THSD7A: variants seen among roughly 807,000 people sequenced by gnomAD.
The protein encoded by THSD7A is thrombospondin type 1 domain containing 7A.
THSD7A carries 96 observed loss-of-function variants against 231.3 expected under a neutral mutation model. The ratio of observed to expected loss-of-function variants is 0.41; its 90% confidence interval spans 0.35 to 0.49. The LOEUF is 0.49. Ranked by LOEUF, THSD7A falls within the 20% of genes least tolerant of loss-of-function variation. The pLI is 0.05. For missense variants in THSD7A, 2,290 were observed against 2,070.2 expected, an observed-to-expected ratio of 1.11 and a Z score of -2.06; for synonymous variants, 940 against 743.3, an observed-to-expected ratio of 1.26 and a Z score of -4.30.
intron 1 of THSD7A, among the ~76,000 whole-genome samples, chr7:11,740,812 G>A (rs951078549): frequency 2.0e-5 from 3 of 151,824 alleles, no homozygotes; most frequent in African/African-American, 7.3e-5. Context: ...TCTCTCCCTA[G>A]AACACAAACT....
At position 11,714,043 on chromosome 7, in the gene THSD7A, G is replaced by A. The variant is rs546967229; in HGVS notation, c.191-77082C>T. On this transcript the variant is annotated intron_variant, in intron 1 of 27. Coordinates refer to ENST00000423059, the MANE Select transcript of THSD7A (RefSeq NM_015204.3). ...TGTTGAAAATTTAAGTTAAATATGT[G>A]TCTGTACATTGGGTCACAATTTTAA... is the stretch of plus-strand genomic sequence containing the variant. 3.3e-5 allele frequency among the ~76,000 whole-genome samples: 5 copies of A among 151,292 alleles called. No individual in the cohort carries two copies. In the South Asian group the frequency reaches 8.3e-4, roughly 25 times the overall value.
intron 15 of THSD7A, 126 bp from the exon 16 acceptor site, chr7:11,424,955 A>T (rs1327800759): frequency 8.7e-7 from 1 of 1,152,128 alleles, no homozygotes; most frequent in East Asian, 2.5e-5. Flanking sequence ...ACTGCTTATT[A>T]TTCTAACATT....
intron 1 of THSD7A, among the ~76,000 whole-genome samples, chr7:11,729,300 A>T (rs751905934): frequency 2.5e-4 from 38 of 151,866 alleles, no homozygotes; most frequent in Admixed American, 9.9e-4. Flanking sequence ...TTAATCGTGT[A>T]TGACACTTAA....
intron 1 of THSD7A, among the ~76,000 whole-genome samples, chr7:11,798,126 G>A (rs1414184663): frequency 6.6e-6 from 1 of 152,116 alleles, no homozygotes; most frequent in Non-Finnish European, 1.5e-5. Flanking sequence ...GTTCCATTAA[G>A]ACAGAAGACA....
intron 6 of THSD7A, among the ~76,000 whole-genome samples, chr7:11,487,901 T>C (rs543934140): frequency 1.2e-3 from 188 of 152,248 alleles, no homozygotes; most frequent in Admixed American, 2.0e-3. Flanking sequence ...ATGTTCTGCC[T>C]ATTCTCTAAA....
chr7:11,727,612 A>G (rs185432093), intron 1 of THSD7A, among the ~76,000 whole-genome samples: 1 of 152,162 alleles, frequency 6.6e-6, no homozygotes, highest in East Asian at 1.9e-4. Flanking sequence ...GTGAAATACT[A>G]TATAAGAGTT....
At chr7:11,745,868 T>G (rs1782282794) in intron 1 of THSD7A, among the ~76,000 whole-genome samples, 1 of 152,132 alleles carries the variant, frequency 6.6e-6, no homozygotes, top group African/African-American at 2.4e-5. Flanking sequence ...TAGTTTGAAG[T>G]CAGGCAGCAT....
At chr7:11,587,134 T>G (rs1173328783) in intron 4 of THSD7A, among the ~76,000 whole-genome samples, 1 of 152,186 alleles carries the variant, frequency 6.6e-6, no homozygotes, top group African/African-American at 2.4e-5. Flanking sequence ...TACTTTGAAC[T>G]CTAAAAAAAT....
chr7:11,800,702 G>C (rs1267971045), intron 1 of THSD7A, among the ~76,000 whole-genome samples: 2 of 152,158 alleles, frequency 1.3e-5, no homozygotes, highest in Non-Finnish European at 2.9e-5. Context: ...GCAGAGAATA[G>C]AATTTTGGTT....
intron 1 of THSD7A, among the ~76,000 whole-genome samples, chr7:11,803,622 A>G (rs184056693): frequency 6.6e-6 from 1 of 152,286 alleles, no homozygotes; most frequent in East Asian, 1.9e-4. Context: ...AATAGATGCT[A>G]TTGAGGCTCC....
chr7:11,701,689 C>G (rs1232917454), intron 1 of THSD7A, among the ~76,000 whole-genome samples: 2 of 151,086 alleles, frequency 1.3e-5, no homozygotes, highest in Non-Finnish European at 3.0e-5. Context: ...TGACATTTAG[C>G]ATTTCTAACA....
intron 23 of THSD7A, among the ~76,000 whole-genome samples, chr7:11,393,787 G>A (rs1192984894): frequency 6.6e-6 from 1 of 152,168 alleles, no homozygotes; most frequent in Non-Finnish European, 1.5e-5. Context: ...TCAACTTAAT[G>A]AAATAAAGTG....
chr7:11,606,174 T>G (rs966710053), intron 2 of THSD7A, among the ~76,000 whole-genome samples: 6 of 152,130 alleles, frequency 3.9e-5, no homozygotes, highest in Non-Finnish European at 8.8e-5. Context: ...GTGGCATCCA[T>G]GTGCATGATC....
intron 2 of THSD7A, among the ~76,000 whole-genome samples, chr7:11,612,091 C>A (rs1246925389): frequency 6.6e-6 from 1 of 152,084 alleles, no homozygotes; most frequent in East Asian, 1.9e-4. Context: ...GGAAAAGAGT[C>A]CAGATTCTGG....
chr7:11,653,074 G>C lies in THSD7A; in HGVS notation c.191-16113C>G, dbSNP rs1163140471. ...TTTATTGTTTACTTATTCTATAGAA[G>C]ACACTGTATTGTTTTTGCAAATTTC... On this transcript the variant is annotated intron_variant, in intron 1 of 27. Transcript: ENST00000423059. Among the ~76,000 whole-genome samples the C allele has an allele frequency of 2.0e-5, 3 of 151,972 alleles. No individual in the cohort carries two copies. In the Middle Eastern group the frequency reaches 0.01, roughly 517 times the overall value.
At position 11,641,134 on chromosome 7, in the gene THSD7A, T is replaced by C. The variant is rs137863704; in HGVS notation, c.191-4173A>G. Among the ~76,000 whole-genome samples, 7 of 152,312 alleles carry C rather than the reference T, an allele frequency of 4.6e-5. No individual in the cohort carries two copies. In the East Asian group the frequency reaches 1.3e-3, roughly 29 times the overall value. ...TTATATAAGTAAGATAGTTCTTACT[T>C]TGATGTTCCTCATTGAATACCAGGA... On this transcript the variant is annotated intron_variant, in intron 1 of 27. Transcript: ENST00000423059.
chr7:11,658,293 T>C (rs931810836), intron 1 of THSD7A, among the ~76,000 whole-genome samples: 1 of 151,692 alleles, frequency 6.6e-6, no homozygotes, highest in Admixed American at 6.6e-5. Context: ...TTCCTACTGG[T>C]TTATTTTCTT....
At chr7:11,554,776 CT>C (rs549737968) in intron 4 of THSD7A, among the ~76,000 whole-genome samples, 104 of 151,902 alleles carry the variant, frequency 6.8e-4, no homozygotes, top group African/African-American at 2.5e-3. Flanking sequence ...TTTGTTGCCT[CT>C]TTTTTTCTGT....
At chr7:11,420,926 G>A (rs1337736855) in intron 16 of THSD7A, among the ~76,000 whole-genome samples, 1 of 152,166 alleles carries the variant, frequency 6.6e-6, no homozygotes, top group African/African-American at 2.4e-5. Context: ...GGACTTGCAT[G>A]GGGCCTGTAG....
Sources: gnomAD v4.1 joint callset for allele counts (sites outside exome capture counted in the v4.1 genomes callset) on GRCh38, gnomAD v4.1.1 for gene constraint, MANE v1.5 for transcripts, NCBI Gene and HGNC (gene_info 2026-07-23, HGNC 2026-07-21) for gene names.